The following RAB17 variants were observed in gnomAD, a reference collection of about 807,000 sequenced individuals.
RAB17 encodes the protein RAB17, member RAS oncogene family.
In RAB17, 15 loss-of-function variants were observed where a neutral mutation model predicts 19.3. The ratio of observed to expected loss-of-function variants is 0.78; its 90% CI spans 0.52 to 1.20. RAB17 has a LOEUF of 1.20. Ranked by LOEUF, RAB17 falls within the 50% of genes most tolerant of loss-of-function variation. The pLI is 0.00. For synonymous variants in RAB17, 110 were observed against 112.8 expected (o/e 0.97, Z 0.16); for missense variants, 262 against 269.3 (o/e 0.97, Z 0.19).
At chr2:237,589,172 A>T (rs76216798) in intron 1 of RAB17, among the ~76,000 whole-genome samples, 17,220 of 150,074 alleles carry the variant, frequency 0.11, 1,090 homozygotes, top group Non-Finnish European at 0.14. Flanking sequence ...GCGAGCCAAA[A>T]TCCCACCATT....
At position 237,578,067 on chromosome 2, in the gene RAB17, G is replaced by A. The variant is rs377280711; in HGVS notation, c.246C>T (p.Ser82=). ...WDTAGQEKYH[S]VCHLYFRGAN... ...CACCCCTGAAGTAGAGGTGGCAGAC[G>A]CTGTGGTACTTCTCCTGGCCAGCTG... Residue 82 remains serine (S), a synonymous_variant, in exon 3 of 6, where the codon AGC becomes AGT. Coordinates refer to ENST00000264601, the MANE Select transcript of RAB17 (RefSeq NM_022449.4). 6.2e-6 allele frequency: 10 copies of A among 1,613,718 alleles called. No individual in the cohort carries two copies. Among genetic ancestry groups the A allele is most frequent in the Admixed American group, 3.3e-5 (2 of 59,992 alleles).
intron 1 of RAB17, among the ~76,000 whole-genome samples, chr2:237,587,200 C>T (rs6733415): frequency 0.26 from 40,002 of 152,180 alleles, 6,967 homozygotes; most frequent in African/African-American, 0.5. Context: ...TTGGCAGTCA[C>T]TGAAGACTAT....
At position 237,586,004 on chromosome 2, in the gene RAB17, C is replaced by T; in HGVS notation, c.151G>A (p.Val51Met). ...GTGCTCTGCCCTCACTTACAGCCCA[C>T]CGTAGGCAGGATACTCTTGAAGTCG... ...KNDFKSILPT[V>M]GCAFFTKVVD... The change falls in exon 2 of 6, where the codon GTG becomes ATG. Residue 51 changes from valine (V) to methionine (M), a missense_variant. Transcript: ENST00000264601. 6.2e-7 allele frequency: 1 copy of T among 1,606,592 alleles called. No homozygotes were observed. Among genetic ancestry groups the T allele is most frequent in the South Asian group, 1.1e-5 (1 of 89,494 alleles).
intron 2 of RAB17, among the ~76,000 whole-genome samples, chr2:237,580,683 G>A (rs552089403): frequency 3.3e-5 from 5 of 151,572 alleles, no homozygotes; most frequent in Admixed American, 1.3e-4. Context: ...AGGTTGCAGC[G>A]AGCCAAGATT....
At chr2:237,575,201 C>T (rs1356088757) in intron 5 of RAB17, 73 bp from the exon 6 acceptor site, 5 of 1,280,892 alleles carry the variant, frequency 3.9e-6, no homozygotes, top group Middle Eastern at 2.5e-4. Flanking sequence ...GCAGACCAGC[C>T]ACCCCAGGAC....
intron 2 of RAB17, among the ~76,000 whole-genome samples, chr2:237,583,076 G>T (rs1477303207): frequency 6.6e-6 from 1 of 152,170 alleles, no homozygotes; most frequent in East Asian, 1.9e-4. Flanking sequence ...CACTCCGCCT[G>T]GGCAACAGAG....
intron 4 of RAB17, chr2:237,576,709 G>T: frequency 4.2e-6 from 2 of 471,240 alleles, no homozygotes; most frequent in Non-Finnish European, 8.8e-6. Context: ...GGTGGGGGAG[G>T]TGGGATGCCG....
chr2:237,577,422 T>C (rs768282588), intron 3 of RAB17, 40 bp from the exon 4 acceptor site: 12 of 1,571,312 alleles, frequency 7.6e-6, no homozygotes, highest in South Asian at 4.6e-5. Context: ...ACAAAACTTA[T>C]AGGTGGTCAT....
intron 4 of RAB17, 196 bp from the exon 5 acceptor site, chr2:237,575,676 G>A: frequency 1.8e-6 from 1 of 551,358 alleles, no homozygotes; most frequent in Non-Finnish European, 3.2e-6. Context: ...CTCCCTGGAA[G>A]AGGCTCTTCC....
intron 4 of RAB17, 29 bp from the exon 5 acceptor site, chr2:237,575,509 C>T (rs367868362): frequency 3.4e-5 from 53 of 1,558,724 alleles, no homozygotes; most frequent in Non-Finnish European, 4.4e-5. Flanking sequence ...AAATCCAGCG[C>T]TGTTTATAAG....
At chr2:237,588,694 C>A (rs2081369740) in intron 1 of RAB17, among the ~76,000 whole-genome samples, 2 of 152,138 alleles carry the variant, frequency 1.3e-5, no homozygotes, top group South Asian at 2.1e-4. Context: ...CCACCTGTTC[C>A]CCTAAAATCT....
At position 237,575,203 on chromosome 2, in the gene RAB17, C is replaced by T. The variant is rs190873355; in HGVS notation, c.530-75G>A. The T allele has an allele frequency of 1.7e-4, 210 of 1,259,116 alleles. 1 individual carries two copies. In the Middle Eastern group the frequency reaches 6.2e-3, roughly 37 times the overall value. The allele number at this position is 1,259,116 out of a possible 1,614,324, so 78.0% of individuals were successfully genotyped here. A position where few individuals can be genotyped will look rare whatever the true frequency, so the allele number is the denominator to read the frequency against. On this transcript the variant is annotated intron_variant, in intron 5 of 5. Transcript: ENST00000264601. ...CCAGCACAGCCCTGCAGACCAGCCA[C>T]CCCAGGACCCGCCCCTCCTGTGTTT...
intron 4 of RAB17, 71 bp downstream of exon 4, chr2:237,577,186 A>T: frequency 6.5e-7 from 1 of 1,545,506 alleles, no homozygotes; most frequent in Non-Finnish European, 8.7e-7. Flanking sequence ...TGTGAGTGCC[A>T]AGGTCTTGAC....
intron 2 of RAB17, chr2:237,578,938 C>A (rs1048248245): frequency 2.0e-5 from 3 of 149,334 alleles, no homozygotes; most frequent in Non-Finnish European, 4.4e-5. Flanking sequence ...CACACACACA[C>A]ACAACTACTC....
intron 3 of RAB17, 37 bp downstream of exon 3, chr2:237,577,967 G>C: frequency 6.4e-7 from 1 of 1,565,682 alleles, no homozygotes; most frequent in African/African-American, 1.4e-5. Flanking sequence ...CAGGTGCTTG[G>C]GAAGGAGGGT....
chr2:237,575,362 T>C (rs1230206657), intron 5 of RAB17, 25 bp downstream of exon 5: 1 of 1,576,642 alleles, frequency 6.3e-7, no homozygotes, highest in Non-Finnish European at 8.7e-7. Flanking sequence ...CTCCCCCTTG[T>C]CTGGCCCACG....
rs199826567 is a variant in RAB17 at position 237,578,937 on chromosome 2, ACAC to A, written c.158-785_158-783del. ...CACACACACACACACACACACACAC[ACAC>A]AACTACTCCCAAGCACTTTAACATA... On this transcript the variant is annotated intron_variant, in intron 2 of 5. Coordinates refer to ENST00000264601, the MANE Select transcript of RAB17 (RefSeq NM_022449.4). 538 of 148,236 alleles carry A rather than the reference ACAC, an allele frequency of 3.6e-3. 6 individuals carry two copies. Among genetic ancestry groups the A allele is most frequent in the East Asian group, 0.012 (62 of 5,182 alleles). 9.2% of individuals were successfully genotyped at this position (148,236 alleles called of 1,614,324 possible).
At chr2:237,576,165 G>A (rs1381029951) in intron 4 of RAB17, among the ~76,000 whole-genome samples, 2 of 152,124 alleles carry the variant, frequency 1.3e-5, no homozygotes, top group Non-Finnish European at 2.9e-5. Flanking sequence ...GGCAGCAGGT[G>A]TGGCCGGCCA....
Position 237,574,351 on chromosome 2 carries a change from A to AG in RAB17, c.*667dup, listed in dbSNP as rs1186238087. 7 of 1,444,354 alleles carry AG rather than the reference A, an allele frequency of 4.8e-6. No individual in the cohort carries two copies. The highest frequency in any genetic ancestry group is 3.6e-4 in the Middle Eastern group (2 of 5,598). 89.5% of individuals were successfully genotyped at this position (1,444,354 alleles called of 1,614,324 possible). On this transcript the variant is annotated 3_prime_UTR_variant, in exon 6 of 6. Transcript: ENST00000264601. ...TTGTCAAAAGCAATTTAATTTTTGG[A>AG]GGAAAAACTGCATACGCAGTACAAC... is the stretch of plus-strand genomic sequence containing the variant.
Sources: gnomAD v4.1 joint callset for allele counts (sites outside exome capture counted in the v4.1 genomes callset) on GRCh38, gnomAD v4.1.1 for gene constraint, MANE v1.5 for transcripts, NCBI Gene and HGNC (gene_info 2026-07-23, HGNC 2026-07-21) for gene names.